Variants in PRDM10 observed in about 807,000 individuals in gnomAD.
The protein encoded by PRDM10 is PR/SET domain 10.
A neutral mutation model predicts 133.1 loss-of-function variants in PRDM10; 65 were observed. The ratio of observed to expected loss-of-function variants is 0.49; its 90% CI spans 0.40 to 0.60. The LOEUF is 0.60. PRDM10 is among the 20% of genes least tolerant of loss of function. PRDM10 has a pLI of 0.00. For missense variants in PRDM10, 1,137 were observed against 1,507.1 expected, an observed-to-expected ratio of 0.75 and a Z score of 4.07; for synonymous variants, 582 against 580.4, an observed-to-expected ratio of 1.00 and a Z score of -0.04.
chr11:130,002,320 T>A (rs1939460873), intron 1 of PRDM10, among the ~76,000 whole-genome samples: 1 of 151,624 alleles, frequency 6.6e-6, no homozygotes. Context: ...TGCGAGCCAC[T>A]CGGGGGTCGC....
chr11:130,002,188 C>T (rs961227155), intron 1 of PRDM10, among the ~76,000 whole-genome samples: 1 of 147,952 alleles, frequency 6.8e-6, no homozygotes, highest in African/African-American at 2.4e-5. Flanking sequence ...CGGCGGAGAC[C>T]TGCCCGCCGC....
At chr11:129,942,070 ATT>A (rs1454557111) in intron 7 of PRDM10, among the ~76,000 whole-genome samples, 1 of 152,038 alleles carries the variant, frequency 6.6e-6, no homozygotes, top group Non-Finnish European at 1.5e-5. Context: ...TAATTTTTGT[ATT>A]TTTAGTAGAA....
chr11:129,945,243 C>T lies in PRDM10; in HGVS notation c.521-231G>A, dbSNP rs187243746. Reference sequence around the variant, plus strand: ...ATTTGCTTATGCCTGCCAAAAACAACTAGCAGGCCATGACTGACTTCTTTG... The same window carrying T: ...ATTTGCTTATGCCTGCCAAAAACAATTAGCAGGCCATGACTGACTTCTTTG... On this transcript the variant is annotated intron_variant, in intron 5 of 20. Transcript: ENST00000360871. The surrounding 1 kb of genome is among the most constrained non-coding windows in gnomAD (Gnocchi z 4.2). Among the ~76,000 whole-genome samples, 3 of 152,324 alleles carry T rather than the reference C, an allele frequency of 2.0e-5. No individual in the cohort carries two copies. The highest frequency in any genetic ancestry group is 1.3e-4 in the Admixed American group (2 of 15,300).
At chr11:129,951,733 G>T (rs1279627892) in intron 4 of PRDM10, among the ~76,000 whole-genome samples, 1 of 152,006 alleles carries the variant, frequency 6.6e-6, no homozygotes, top group African/African-American at 2.4e-5. Flanking sequence ...CAATTATCAG[G>T]GCAGCATATT....
chr11:129,982,786 A>G (rs1380862283), intron 1 of PRDM10, among the ~76,000 whole-genome samples: 2 of 151,930 alleles, frequency 1.3e-5, no homozygotes, highest in Admixed American at 6.6e-5. Context: ...CCTCCCCCCA[A>G]CCATCTCTAC....
chr11:129,914,137 G>A (rs2135741759), intron 17 of PRDM10, among the ~76,000 whole-genome samples: 1 of 152,260 alleles, frequency 6.6e-6, no homozygotes, highest in Admixed American at 6.5e-5. Context: ...GAGTAGCTGG[G>A]ATTACAGGCA....
At chr11:129,995,591 T>C (rs1939012338) in intron 1 of PRDM10, among the ~76,000 whole-genome samples, 1 of 151,678 alleles carries the variant, frequency 6.6e-6, no homozygotes, top group South Asian at 2.1e-4. Context: ...CTCAAAATCT[T>C]CAAGCAATTC....
At chr11:130,002,541 C>A (rs888068340) in intron 1 of PRDM10, among the ~76,000 whole-genome samples, 181 bp downstream of exon 1, 1 of 152,014 alleles carries the variant, frequency 6.6e-6, no homozygotes, top group African/African-American at 2.4e-5. Flanking sequence ...TCCCCCCCAC[C>A]ACCACCATCA....
chr11:129,924,933 A>G lies in PRDM10; in HGVS notation c.1827T>C (p.Asp609=). 6.2e-7 allele frequency: 1 copy of G among 1,614,046 alleles called. No individual in the cohort carries two copies. The highest frequency in any genetic ancestry group is 8.5e-7 in the Non-Finnish European group (1 of 1,179,950). The change falls in exon 12 of 21, where the codon GAT becomes GAC. Residue 609 remains aspartate, a synonymous_variant. Coordinates refer to ENST00000360871, the MANE Select transcript of PRDM10 (RefSeq NM_199437.2). ...TACAAGTTGGGCAGGTGAAGTAGCC[A>G]TCATTGATATGAATGGCCACATGAT... ...LKDHVAIHIN[D]GYFTCPTCKK...
At chr11:129,904,980 G>A (rs531849505) in intron 20 of PRDM10, among the ~76,000 whole-genome samples, 3 of 152,316 alleles carry the variant, frequency 2.0e-5, no homozygotes, top group African/African-American at 7.2e-5. Context: ...GTTTAATACA[G>A]CTCCATAATT....
Position 129,947,505 on chromosome 11 carries a change from A to T in PRDM10, c.295-135T>A. ...CTACCAACTCCTTCCAGGCCCTGGA[A>T]AAATGACTTCCATCTACCGGCTGTG... On this transcript the variant is annotated intron_variant, in intron 4 of 20. Coordinates refer to ENST00000360871, the MANE Select transcript of PRDM10 (RefSeq NM_199437.2). This position sits in a 1 kb window ranked among gnomAD's most constrained non-coding sequence, Gnocchi z 4.6. The T allele has an allele frequency of 6.6e-7, 1 of 1,524,892 alleles. No homozygotes were observed. Among genetic ancestry groups the T allele is most frequent in the Non-Finnish European group, 8.8e-7 (1 of 1,137,686 alleles). The allele number at this position is 1,524,892 out of a possible 1,614,324, so 94.5% of individuals were successfully genotyped here.
intron 12 of PRDM10, 144 bp downstream of exon 12, chr11:129,924,738 T>C (rs1565465221): frequency 5.8e-6 from 4 of 691,340 alleles, no homozygotes; most frequent in East Asian, 2.7e-5. Context: ...AGTAGTTTGA[T>C]TGAAGAAATA....
chr11:129,950,633 C>T (rs1398777903), intron 4 of PRDM10, among the ~76,000 whole-genome samples: 1 of 152,172 alleles, frequency 6.6e-6, no homozygotes, highest in Non-Finnish European at 1.5e-5. Flanking sequence ...TCCTGCTCCC[C>T]ATCTCAGAGC....
chr11:129,999,163 A>G (rs1307493529), intron 1 of PRDM10, among the ~76,000 whole-genome samples: 2 of 152,186 alleles, frequency 1.3e-5, no homozygotes, highest in Non-Finnish European at 1.5e-5. Flanking sequence ...GAGGCCAGAT[A>G]TTCCTAAGCA....
intron 9 of PRDM10, among the ~76,000 whole-genome samples, chr11:129,934,046 G>A (rs538429584): frequency 6.6e-6 from 1 of 152,032 alleles, no homozygotes; most frequent in African/African-American, 2.4e-5. Context: ...CACAGCATAC[G>A]CTCCAAGGTC....
At chr11:130,000,677 T>C (rs1042032054) in intron 1 of PRDM10, among the ~76,000 whole-genome samples, 2 of 151,830 alleles carry the variant, frequency 1.3e-5, no homozygotes, top group East Asian at 3.9e-4. Flanking sequence ...CATAGCAGAG[T>C]GGGAGCTTAC....
chr11:129,931,785 G>A (rs1001007913), intron 10 of PRDM10, among the ~76,000 whole-genome samples: 13 of 151,934 alleles, frequency 8.6e-5, no homozygotes, highest in Non-Finnish European at 2.9e-5. Context: ...AGCCAGGATG[G>A]TCTCGATCTC....
chr11:129,918,286 T>TA lies in PRDM10; in HGVS notation c.2214+252_2214+253insT, dbSNP rs1260046904. ...AAACAAAAGTAGTAATGAAAAGTGA[T>TA]TAAAAAAAAAAAAAGAAAAAGAAAA... is the stretch of plus-strand genomic sequence containing the variant. On this transcript the variant is annotated intron_variant, in intron 14 of 20. Transcript: ENST00000360871. This position sits in a 1 kb window ranked among gnomAD's most constrained non-coding sequence, Gnocchi z 5.3. 1.4e-5 allele frequency among the ~76,000 whole-genome samples: 2 copies of TA among 144,860 alleles called. No homozygotes were observed. The highest frequency in any genetic ancestry group is 1.5e-5 in the Non-Finnish European group (1 of 66,252).
intron 1 of PRDM10, among the ~76,000 whole-genome samples, chr11:129,978,509 A>C (rs1937914392): frequency 6.6e-6 from 1 of 152,232 alleles, no homozygotes; most frequent in African/African-American, 2.4e-5. Context: ...AGAGAACTGA[A>C]CTAAGGTTTC....
Sources: gnomAD v4.1 joint callset for allele counts (sites outside exome capture counted in the v4.1 genomes callset) on GRCh38, gnomAD v4.1.1 for gene constraint, Gnocchi (gnomAD v3.1) non-coding constraint, MANE v1.5 for transcripts, NCBI Gene and HGNC (gene_info 2026-07-23, HGNC 2026-07-21) for gene names.